Variants in FABP7 observed in about 807,000 individuals in gnomAD.
The protein encoded by FABP7 is fatty acid-binding protein, brain.
In FABP7, 13 loss-of-function variants were observed where a neutral mutation model predicts 14.2. That is an observed-to-expected ratio of 0.91 (90% CI 0.59 to 1.45). The LOEUF (loss-of-function observed/expected upper bound fraction) is 1.45, where lower values mean the gene tolerates loss of function less well. Among genes scored for constraint, FABP7 ranks in the 40% most tolerant of loss-of-function variants. The probability of loss-of-function intolerance (pLI) is 0.00; values close to 1 mark genes in which losing one functional copy is unlikely to be tolerated. For synonymous variants in FABP7, 49 were observed against 51.4 expected (o/e 0.95, Z 0.20); for missense variants, 149 against 157.6 (o/e 0.95, Z 0.29).
At chr6:122,778,650 C>T (rs1780713732), upstream of FABP7, among the ~76,000 whole-genome samples, 1 of 152,208 alleles carries the variant, frequency 6.6e-6, no homozygotes, top group Admixed American at 6.6e-5. Flanking sequence ...ATTTCAGAGA[C>T]TTCCTTTAAA....
the FABP7 span, among the ~76,000 whole-genome samples, chr6:122,766,987 T>C: frequency 6.6e-6 from 1 of 151,902 alleles, no homozygotes; most frequent in Non-Finnish European, 1.5e-5. Flanking sequence ...TAATAGAAAA[T>C]TAAAGGGAAG....
chr6:122,783,577 T>C lies in FABP7; in HGVS notation c.349-140T>C, dbSNP rs1471836643. ...ATCAATATAGGGTCTCTTTTCAAGA[T>C]GTGAAATGCTTATGCAGCATTTAAT... On this transcript the variant is annotated intron_variant, in intron 3 of 3. Coordinates refer to ENST00000368444, the MANE Select transcript of FABP7 (RefSeq NM_001446.5). 9 of 1,390,460 alleles carry C rather than the reference T, an allele frequency of 6.5e-6. No homozygotes were observed. In the Admixed American group the frequency reaches 3.2e-4, roughly 49 times the overall value. The allele number at this position is 1,390,460 out of a possible 1,614,324, so 86.1% of individuals were successfully genotyped here.
At chr6:122,761,932 C>T in the FABP7 span, among the ~76,000 whole-genome samples, 36 of 152,260 alleles carry the variant, frequency 2.4e-4, no homozygotes, top group African/African-American at 7.7e-4. Flanking sequence ...CAGGACCAGA[C>T]GGATTCACAG....
intron 3 of FABP7, chr6:122,783,203 C>G (rs1177920254): frequency 2.0e-6 from 2 of 985,306 alleles, no homozygotes; most frequent in Non-Finnish European, 2.4e-6. Flanking sequence ...CCTGCGTTCA[C>G]ATAGGCTAAA....
the FABP7 span, among the ~76,000 whole-genome samples, chr6:122,764,281 T>C: frequency 0.99 from 150,465 of 152,194 alleles, 74,407 homozygotes; most frequent in Middle Eastern, 1. Flanking sequence ...AGCAAATTAT[T>C]GCAAGGACAG....
chr6:122,770,863 T>C, the FABP7 span, among the ~76,000 whole-genome samples: 1 of 152,216 alleles, frequency 6.6e-6, no homozygotes, highest in Non-Finnish European at 1.5e-5. Flanking sequence ...GACTGACTTA[T>C]CTGATTCATG....
At chr6:122,782,738 C>G in intron 3 of FABP7, 3 of 985,344 alleles carry the variant, frequency 3.0e-6, no homozygotes, top group Non-Finnish European at 3.6e-6. Context: ...TTTCCTTCTC[C>G]CCTTGACTAC....
the FABP7 span, among the ~76,000 whole-genome samples, chr6:122,759,489 T>TAATC: frequency 6.6e-6 from 1 of 152,220 alleles, no homozygotes; most frequent in Non-Finnish European, 1.5e-5. Context: ...CATCCAATCT[T>TAATC]AATCAGGCTT....
the FABP7 span, among the ~76,000 whole-genome samples, chr6:122,755,118 C>T: frequency 6.6e-6 from 1 of 152,038 alleles, no homozygotes; most frequent in Non-Finnish European, 1.5e-5. Flanking sequence ...TCCTCTCTCT[C>T]TCACTTACTC....
chr6:122,782,431 T>C, intron 3 of FABP7: 3 of 755,246 alleles, frequency 4.0e-6, no homozygotes, highest in Non-Finnish European at 4.8e-6. Context: ...CTCTGATCCA[T>C]TTCTGACTCC....
the FABP7 span, among the ~76,000 whole-genome samples, chr6:122,753,112 G>A: frequency 6.6e-6 from 1 of 152,222 alleles, no homozygotes; most frequent in African/African-American, 2.4e-5. Flanking sequence ...GCTTTATAAT[G>A]AAATTCCAAT....
At chr6:122,765,882 A>G in the FABP7 span, among the ~76,000 whole-genome samples, 1 of 151,726 alleles carries the variant, frequency 6.6e-6, no homozygotes, top group South Asian at 2.1e-4. Context: ...ATATACTCTT[A>G]TTCTCTGTCT....
chr6:122,776,594 A>G (rs1432194382), upstream of FABP7, among the ~76,000 whole-genome samples: 1 of 152,190 alleles, frequency 6.6e-6, no homozygotes, highest in Non-Finnish European at 1.5e-5. Flanking sequence ...AATAAATTCT[A>G]GCCTTTGATA....
chr6:122,771,182 A>G, the FABP7 span, among the ~76,000 whole-genome samples: 1 of 152,174 alleles, frequency 6.6e-6, no homozygotes, highest in Non-Finnish European at 1.5e-5. Context: ...AATTATGTAG[A>G]GATAACTGTT....
chr6:122,763,048 C>T, the FABP7 span, among the ~76,000 whole-genome samples: 2 of 152,138 alleles, frequency 1.3e-5, no homozygotes, highest in African/African-American at 4.8e-5. Context: ...CTTTAAAGTT[C>T]ATATGGAACC....
chr6:122,752,086 A>G, the FABP7 span, among the ~76,000 whole-genome samples: 36 of 136,034 alleles, frequency 2.6e-4, no homozygotes, highest in African/African-American at 9.7e-4. Context: ...CCCCACCACC[A>G]TCTCCCAATT....
upstream of FABP7, among the ~76,000 whole-genome samples, chr6:122,775,681 C>G (rs998335580): frequency 5.7e-5 from 8 of 140,822 alleles, no homozygotes; most frequent in Non-Finnish European, 1.1e-4. Flanking sequence ...AAGTTGAAAA[C>G]CTCTTCACAA....
chr6:122,781,002 T>G, intron 2 of FABP7, 91 bp from the exon 3 acceptor site: 1 of 1,423,704 alleles, frequency 7.0e-7, no homozygotes, highest in Non-Finnish European at 9.4e-7. Flanking sequence ...TTTATTCAAT[T>G]ATACAACTCT....
chr6:122,780,059 T>G (rs1780745011), intron 1 of FABP7, among the ~76,000 whole-genome samples, 192 bp downstream of exon 1: 1 of 152,220 alleles, frequency 6.6e-6, no homozygotes, highest in Non-Finnish European at 1.5e-5. Context: ...CCAGGGCCAA[T>G]AAAAACAGAA....
Sources: allele counts gnomAD v4.1 joint callset (sites outside exome capture counted in the v4.1 genomes callset), GRCh38; gene constraint gnomAD v4.1.1; transcripts MANE v1.5; gene names NCBI Gene and HGNC (gene_info 2026-07-23, HGNC 2026-07-21).